PRKCB: variants seen among roughly 807,000 people sequenced by gnomAD.
PRKCB encodes the protein protein kinase C beta type.
Under a neutral mutation model 81.5 loss-of-function variants are expected in PRKCB, and 13 were observed. The ratio of observed to expected loss-of-function variants is 0.16; its 90% confidence interval spans 0.10 to 0.25. PRKCB has a LOEUF of 0.25. PRKCB is among the 10% of genes least tolerant of loss of function. The pLI is 1.00. For missense variants in PRKCB, 509 were observed against 875.7 expected (o/e 0.58, Z 5.29); for synonymous variants, 335 against 321.4 (o/e 1.04, Z -0.45).
At position 24,219,962 on chromosome 16, in the gene PRKCB, G is replaced by A; in HGVS notation, c.*5146G>A. Reference sequence around the variant, plus strand: ...ATGTGTTTACTTTCCATTTGGCAGAGAGACAAGAGAGACACCTCCAACTTC... The same window carrying A: ...ATGTGTTTACTTTCCATTTGGCAGAAAGACAAGAGAGACACCTCCAACTTC... On this transcript the variant is annotated 3_prime_UTR_variant, in exon 17 of 17. Transcript: ENST00000643927. The A allele has an allele frequency of 6.2e-7, 1 of 1,613,910 alleles. No homozygotes were observed. The highest frequency in any genetic ancestry group is 8.5e-7 in the Non-Finnish European group (1 of 1,179,928).
At chr16:24,091,111 T>A (rs945016423) in intron 5 of PRKCB, among the ~76,000 whole-genome samples, 2 of 152,224 alleles carry the variant, frequency 1.3e-5, no homozygotes, top group Admixed American at 6.5e-5. Context: ...ATAATGGCTA[T>A]GGTAATGGAT....
At chr16:24,085,292 T>C (rs1966298752) in intron 5 of PRKCB, among the ~76,000 whole-genome samples, 1 of 152,196 alleles carries the variant, frequency 6.6e-6, no homozygotes, top group Non-Finnish European at 1.5e-5. Context: ...GAATGGATGA[T>C]ACGTTTGACT....
intron 2 of PRKCB, among the ~76,000 whole-genome samples, chr16:23,961,422 C>T (rs1964424283): frequency 6.6e-6 from 1 of 152,218 alleles, no homozygotes; most frequent in African/African-American, 2.4e-5. Flanking sequence ...ATTCAGCTTT[C>T]CTCTGTATTG....
intron 9 of PRKCB, among the ~76,000 whole-genome samples, chr16:24,143,690 A>C (rs1428574466): frequency 6.6e-6 from 1 of 152,196 alleles, no homozygotes. Flanking sequence ...TTGAGGTATA[A>C]TTTACAGAAG....
At chr16:24,103,065 G>T (rs969389852) in intron 7 of PRKCB, among the ~76,000 whole-genome samples, 1 of 152,110 alleles carries the variant, frequency 6.6e-6, no homozygotes, top group Admixed American at 6.5e-5. Context: ...TTGAGACAAG[G>T]TTTCACCATG....
chr16:23,836,543 TC>T (rs1048165789), intron 1 of PRKCB, among the ~76,000 whole-genome samples, 195 bp downstream of exon 1: 1 of 152,076 alleles, frequency 6.6e-6, no homozygotes, highest in Admixed American at 6.5e-5. Flanking sequence ...CCCACCCTGG[TC>T]CCAGACGGGC....
chr16:23,937,505 C>A (rs1964079282), intron 2 of PRKCB, among the ~76,000 whole-genome samples: 1 of 152,084 alleles, frequency 6.6e-6, no homozygotes, highest in Non-Finnish European at 1.5e-5. Flanking sequence ...CCTCAAATGC[C>A]CATAGAATAG....
chr16:24,220,240 G>A lies in PRKCB; in HGVS notation c.*5424G>A. 8.2e-7 allele frequency: 1 copy of A among 1,217,146 alleles called. No individual in the cohort carries two copies. 75.4% of individuals were successfully genotyped at this position (1,217,146 alleles called of 1,614,324 possible). A position where few individuals can be genotyped will look rare whatever the true frequency, so the allele number is the denominator to read the frequency against. ...CAACATGTGGAAAGCTTGTCTTAGA[G>A]GGCTTTTCTTTGTATGTGTAGCTTG... On this transcript the variant is annotated 3_prime_UTR_variant, in exon 17 of 17. Coordinates refer to ENST00000643927, the MANE Select transcript of PRKCB (RefSeq NM_002738.7).
At chr16:24,106,274 T>C (rs1966577786) in intron 7 of PRKCB, among the ~76,000 whole-genome samples, 1 of 152,230 alleles carries the variant, frequency 6.6e-6, no homozygotes, top group Non-Finnish European at 1.5e-5. Flanking sequence ...ACAGGATTGT[T>C]GCAGTATCAA....
chr16:24,093,641 T>A (rs527729516), intron 6 of PRKCB, among the ~76,000 whole-genome samples: 3 of 152,334 alleles, frequency 2.0e-5, no homozygotes, highest in Non-Finnish European at 4.4e-5. Flanking sequence ...GCGGTCATAC[T>A]TTTTTAGCCA....
chr16:24,133,556 C>G (rs552357121), intron 9 of PRKCB, among the ~76,000 whole-genome samples: 83 of 152,276 alleles, frequency 5.5e-4, no homozygotes, highest in Non-Finnish European at 9.4e-4. Flanking sequence ...AACCTTCAAC[C>G]TCCATTTTCT....
intron 2 of PRKCB, among the ~76,000 whole-genome samples, chr16:23,957,769 G>A (rs1964369293): frequency 6.6e-6 from 1 of 151,846 alleles, no homozygotes; most frequent in Non-Finnish European, 1.5e-5. Flanking sequence ...CTGAGTGTGT[G>A]CCCTCACTTT....
intron 2 of PRKCB, among the ~76,000 whole-genome samples, chr16:23,978,669 A>T (rs1319308955): frequency 6.6e-6 from 1 of 152,170 alleles, no homozygotes; most frequent in Non-Finnish European, 1.5e-5. Flanking sequence ...GATGAGAGTC[A>T]AGTTAGATGG....
At chr16:24,150,064 C>T (rs1967055632) in intron 9 of PRKCB, among the ~76,000 whole-genome samples, 1 of 152,104 alleles carries the variant, frequency 6.6e-6, no homozygotes, top group African/African-American at 2.4e-5. Flanking sequence ...AGTGTGGTGG[C>T]TTACGCCTGT....
chr16:23,885,510 T>C (rs1221025093), intron 2 of PRKCB, among the ~76,000 whole-genome samples: 2 of 152,166 alleles, frequency 1.3e-5, no homozygotes, highest in Non-Finnish European at 2.9e-5. Flanking sequence ...GGTTTCACCA[T>C]CTTGGCCAGG....
intron 2 of PRKCB, among the ~76,000 whole-genome samples, chr16:23,891,340 A>G (rs1963291399): frequency 6.6e-6 from 1 of 152,132 alleles, no homozygotes. Flanking sequence ...GGCATGAGAC[A>G]CTGCATCCAG....
chr16:24,062,687 A>T (rs1000042526), intron 5 of PRKCB, among the ~76,000 whole-genome samples: 7 of 152,068 alleles, frequency 4.6e-5, no homozygotes, highest in Admixed American at 4.6e-4. Context: ...GTGCAGCCAC[A>T]TTTGATCTCC....
intron 15 of PRKCB, among the ~76,000 whole-genome samples, chr16:24,187,660 T>TTTTGTTTTGTTTTGA (rs1967724736): frequency 1.8e-5 from 2 of 111,280 alleles, no homozygotes; most frequent in Non-Finnish European, 3.6e-5. Flanking sequence ...GGTGTTTTTG[T>TTTTGTTTTGTTTTGA]TTTGTTTTGT....
At chr16:24,174,261 A>G (rs1413596533) in intron 11 of PRKCB, 3 of 398,198 alleles carry the variant, frequency 7.5e-6, no homozygotes, top group Non-Finnish European at 1.3e-5. Flanking sequence ...AGTTCATCAT[A>G]TCCCATGTCC....
Sources: gnomAD v4.1 joint callset for allele counts (sites outside exome capture counted in the v4.1 genomes callset) on GRCh38, gnomAD v4.1.1 for gene constraint, MANE v1.5 for transcripts, NCBI Gene and HGNC (gene_info 2026-07-23, HGNC 2026-07-21) for gene names.